Variants in DPP10 observed in about 807,000 individuals in gnomAD.
DPP10 encodes dipeptidyl peptidase like 10, also known as inactive dipeptidyl peptidase 10.
In DPP10, 33 loss-of-function variants were observed where a neutral mutation model predicts 120.9. The ratio of observed to expected loss-of-function variants is 0.27; its 90% CI spans 0.21 to 0.37. The LOEUF (loss-of-function observed/expected upper bound fraction) is 0.37, where lower values mean the gene tolerates loss of function less well. DPP10 is among the 10% of genes least tolerant of loss of function. The pLI is 1.00. For synonymous variants in DPP10, 337 were observed against 326.1 expected (o/e 1.03, Z -0.36); for missense variants, 816 against 942.8 (o/e 0.87, Z 1.76).
At chr2:114,889,856 T>A (rs1050918778) in intron 1 of DPP10, among the ~76,000 whole-genome samples, 3 of 152,210 alleles carry the variant, frequency 2.0e-5, no homozygotes, top group Non-Finnish European at 2.9e-5. Context: ...TGAGAAGCAT[T>A]TGACAAAACA....
intron 1 of DPP10, among the ~76,000 whole-genome samples, chr2:114,577,227 G>A (rs534418843): frequency 3.9e-4 from 60 of 152,314 alleles, no homozygotes; most frequent in African/African-American, 1.3e-3. Flanking sequence ...GCAACCTTGC[G>A]AGATAGGTTA....
chr2:115,762,186 G>A (rs573472809), intron 11 of DPP10, among the ~76,000 whole-genome samples: 28 of 152,186 alleles, frequency 1.8e-4, no homozygotes, highest in Admixed American at 3.3e-4. Flanking sequence ...TTTATTCCTG[G>A]CTGTTTGCCC....
intron 19 of DPP10, among the ~76,000 whole-genome samples, chr2:115,796,348 G>A (rs188743102): frequency 3.3e-5 from 5 of 152,204 alleles, no homozygotes; most frequent in Admixed American, 2.0e-4. Flanking sequence ...TTTCTCTCCT[G>A]TTAAACTGCC....
intron 7 of DPP10, among the ~76,000 whole-genome samples, chr2:115,723,620 T>C (rs6748356): frequency 0.69 from 96,235 of 139,672 alleles, 32,928 homozygotes; most frequent in East Asian, 0.92. Context: ...TTGTTGTTTT[T>C]TGTTTTTTTT....
intron 5 of DPP10, among the ~76,000 whole-genome samples, chr2:115,670,434 A>G (rs896313868): frequency 8.5e-5 from 12 of 141,712 alleles, no homozygotes; most frequent in Admixed American, 2.0e-4. Flanking sequence ...ATACTGGTCT[A>G]ATATTAAACT....
chr2:115,152,789 C>T (rs2051645368), intron 1 of DPP10, among the ~76,000 whole-genome samples: 2 of 152,160 alleles, frequency 1.3e-5, no homozygotes, highest in Non-Finnish European at 2.9e-5. Flanking sequence ...AAGACCTTGA[C>T]ATAGACCTGC....
chr2:114,683,741 G>A lies in DPP10; in HGVS notation c.60+240903G>A, dbSNP rs140265218. Among the ~76,000 whole-genome samples the A allele has an allele frequency of 2.4e-3, 372 of 151,930 alleles. 1 individual carries two copies. Among genetic ancestry groups the A allele is most frequent in the Non-Finnish European group, 3.8e-3 (255 of 67,906 alleles). On this transcript the variant is annotated intron_variant, in intron 1 of 25. Coordinates refer to ENST00000410059, the MANE Select transcript of DPP10 (RefSeq NM_020868.6). ...TACTACTTGAGGACAGTGCAGCTCA[G>A]CCCTTCTCCCCTCCCGTCTTGGATT...
At chr2:115,781,092 A>C in intron 16 of DPP10, 97 bp downstream of exon 16, 1 of 1,027,584 alleles carries the variant, frequency 9.7e-7, no homozygotes, top group Non-Finnish European at 1.3e-6. Context: ...ATGATTTCAT[A>C]ATCTTAATTT....
chr2:115,704,189 C>G (rs574283879), intron 7 of DPP10, among the ~76,000 whole-genome samples: 1 of 151,914 alleles, frequency 6.6e-6, no homozygotes, highest in East Asian at 1.9e-4. Flanking sequence ...GGATGAAAGA[C>G]ACCTGACTCC....
At chr2:115,749,638 G>A (rs911410432) in intron 10 of DPP10, among the ~76,000 whole-genome samples, 2 of 152,144 alleles carry the variant, frequency 1.3e-5, no homozygotes, top group African/African-American at 4.8e-5. Context: ...TAACCCTTCT[G>A]ACAAGTAATG....
At chr2:115,068,581 A>G (rs1707116797) in intron 1 of DPP10, among the ~76,000 whole-genome samples, 1 of 152,080 alleles carries the variant, frequency 6.6e-6, no homozygotes, top group Non-Finnish European at 1.5e-5. Context: ...ATGCAATCCC[A>G]TTTGTCTATT....
chr2:115,717,836 G>A (rs1377081631), intron 7 of DPP10, among the ~76,000 whole-genome samples: 1 of 152,110 alleles, frequency 6.6e-6, no homozygotes, highest in East Asian at 1.9e-4. Context: ...TTCAATTACA[G>A]TTTTATTATC....
At chr2:114,665,346 T>TAC (rs1286121979) in intron 1 of DPP10, among the ~76,000 whole-genome samples, 1 of 152,192 alleles carries the variant, frequency 6.6e-6, no homozygotes, top group Non-Finnish European at 1.5e-5. Flanking sequence ...CCTTCTCACC[T>TAC]ACACATTATC....
intron 1 of DPP10, among the ~76,000 whole-genome samples, chr2:115,208,996 GA>G (rs1315710178): frequency 6.6e-6 from 1 of 152,168 alleles, no homozygotes; most frequent in East Asian, 1.9e-4. Context: ...TGAGTTCTCA[GA>G]TCAGAAAGTA....
At position 115,597,538 on chromosome 2, in the gene DPP10, T is replaced by C. The variant is rs60403982; in HGVS notation, c.441+71566T>C. 8.9e-4 allele frequency among the ~76,000 whole-genome samples: 133 copies of C among 150,174 alleles called. 3 individuals are homozygous for C. In the East Asian group the frequency reaches 0.022, roughly 24 times the overall value. On this transcript the variant is annotated intron_variant, in intron 5 of 25. Transcript: ENST00000410059. Reference sequence around the variant, plus strand: ...CATAAAGGTCATATATACATATATATACACACACATTTATATACATTATAT... The same window carrying C: ...CATAAAGGTCATATATACATATATACACACACACATTTATATACATTATAT...
chr2:114,629,922 A>G (rs961615953), intron 1 of DPP10, among the ~76,000 whole-genome samples: 3 of 152,196 alleles, frequency 2.0e-5, no homozygotes, highest in African/African-American at 7.2e-5. Flanking sequence ...GATAGCCATG[A>G]AAATCAATGA....
intron 3 of DPP10, among the ~76,000 whole-genome samples, chr2:115,471,340 G>T (rs2074704683): frequency 6.6e-6 from 1 of 152,050 alleles, no homozygotes; most frequent in South Asian, 2.1e-4. Flanking sequence ...ACTACTTATT[G>T]CCATTTCATT....
chr2:115,806,014 T>G (rs1685923748), intron 19 of DPP10, among the ~76,000 whole-genome samples: 1 of 152,202 alleles, frequency 6.6e-6, no homozygotes, highest in South Asian at 2.1e-4. Flanking sequence ...GGACAACTAC[T>G]AAGAAGTGAA....
At chr2:115,828,174 T>C (rs1688570404) in intron 21 of DPP10, among the ~76,000 whole-genome samples, 1 of 152,182 alleles carries the variant, frequency 6.6e-6, no homozygotes, top group Non-Finnish European at 1.5e-5. Flanking sequence ...TTGACATTTC[T>C]TATTCTATAC....
Sources: allele counts gnomAD v4.1 joint callset (sites outside exome capture counted in the v4.1 genomes callset), GRCh38; gene constraint gnomAD v4.1.1; transcripts MANE v1.5; gene names NCBI Gene and HGNC (gene_info 2026-07-23, HGNC 2026-07-21).